The following TMCC1 variants were observed in gnomAD, a reference collection of about 807,000 sequenced individuals.
TMCC1 encodes transmembrane and coiled-coil domains protein 1.
A neutral mutation model predicts 52.4 loss-of-function variants in TMCC1; 15 were observed. The ratio of observed to expected loss-of-function variants is 0.29; its 90% CI spans 0.19 to 0.44. The LOEUF (loss-of-function observed/expected upper bound fraction) is 0.44, where lower values mean the gene tolerates loss of function less well. TMCC1 is among the 20% of genes least tolerant of loss of function. The pLI, the probability that TMCC1 is intolerant of heterozygous loss-of-function variation, is 1.00. For missense variants in TMCC1, 503 were observed against 806.0 expected (o/e 0.62, Z 4.55); for synonymous variants, 279 against 301.9 (o/e 0.92, Z 0.79).
intron 1 of TMCC1, among the ~76,000 whole-genome samples, chr3:129,883,540 G>T (rs1347531968): frequency 6.6e-6 from 1 of 152,156 alleles, no homozygotes; most frequent in Non-Finnish European, 1.5e-5. Flanking sequence ...CTTGAACCTA[G>T]GAGGTCAAGG....
At chr3:129,750,900 A>C (rs966512706) in intron 4 of TMCC1, among the ~76,000 whole-genome samples, 1 of 151,148 alleles carries the variant, frequency 6.6e-6, no homozygotes, top group Non-Finnish European at 1.5e-5. Context: ...TAAATTTTAC[A>C]TAAGAATTAA....
At chr3:129,657,665 C>T (rs779665784) in intron 5 of TMCC1, among the ~76,000 whole-genome samples, 2 of 152,162 alleles carry the variant, frequency 1.3e-5, no homozygotes, top group Non-Finnish European at 2.9e-5. Context: ...AAGAGCTACA[C>T]TGATGTGATG....
At chr3:129,710,701 G>A (rs946562202) in intron 4 of TMCC1, among the ~76,000 whole-genome samples, 30 of 152,220 alleles carry the variant, frequency 2.0e-4, no homozygotes, top group African/African-American at 7.0e-4. Flanking sequence ...AAAAGTAACA[G>A]GCTTTACAGA....
chr3:129,851,289 T>C (rs1387842188), intron 2 of TMCC1, among the ~76,000 whole-genome samples: 1 of 152,224 alleles, frequency 6.6e-6, no homozygotes, highest in Non-Finnish European at 1.5e-5. Flanking sequence ...CTCCAGTGTA[T>C]ACTCCTTTCC....
chr3:129,759,709 A>ATTTTTTTTTTTTTTTT (rs1560350161), intron 4 of TMCC1, among the ~76,000 whole-genome samples: 7 of 98,372 alleles, frequency 7.1e-5, no homozygotes, highest in African/African-American at 2.4e-4. Context: ...AGCCAGCCAA[A>ATTTTTTTTTTTTTTTT]CTTTTTTTTT....
chr3:129,727,164 T>C (rs1468390340), intron 4 of TMCC1, among the ~76,000 whole-genome samples: 1 of 152,140 alleles, frequency 6.6e-6, no homozygotes, highest in East Asian at 1.9e-4. Flanking sequence ...AACTCTTCAA[T>C]TTCTGCAATG....
In TMCC1 at chr3:129,647,822, A is replaced by G. The variant is rs2086110537; in HGVS notation, c.*3659T>C. The G allele has an allele frequency of 6.6e-6, 1 of 152,628 alleles. No individual in the cohort carries two copies. Among genetic ancestry groups the G allele is most frequent in the Non-Finnish European group, 1.5e-5 (1 of 68,034 alleles). The allele number at this position is 152,628 out of a possible 1,614,324, so 9.5% of individuals were successfully genotyped here. A position where few individuals can be genotyped will look rare whatever the true frequency, so the allele number is the denominator to read the frequency against. ...AGCTGAGGTCTTTATTTCAATTTCT[A>G]TATACAGTAAAAGTGCTGCTGAGAA... On this transcript the variant is annotated 3_prime_UTR_variant, in exon 7 of 7. Transcript: ENST00000393238.
intron 1 of TMCC1, among the ~76,000 whole-genome samples, chr3:129,887,498 C>T (rs1414300890): frequency 4.0e-5 from 6 of 149,870 alleles, no homozygotes; most frequent in East Asian, 2.0e-4. Context: ...GCCAAGATCG[C>T]GCCACTGCAC....
chr3:129,828,082 G>A lies in TMCC1; in HGVS notation c.297C>T (p.Pro99=). ...GCTGCAGGACACGATTCAGAGCTGT[G>A]GGGTGGGTGGGGACACCATCAATCT... ...CAEIDGVPTH[P]TALNRVLQQI... is the part of the protein sequence containing the mutation. Residue 99 remains proline (P), a synonymous_variant, in exon 4 of 7, where the codon CCC becomes CCT. Coordinates refer to ENST00000393238, the MANE Select transcript of TMCC1 (RefSeq NM_001017395.5). The surrounding 1 kb of genome is among the most constrained non-coding windows in gnomAD (Gnocchi z 4.1). 6.2e-7 allele frequency: 1 copy of A among 1,614,156 alleles called. No homozygotes were observed. Among genetic ancestry groups the A allele is most frequent in the African/African-American group, 1.3e-5 (1 of 75,024 alleles).
chr3:129,891,052 A>G (rs2061942635), intron 1 of TMCC1, among the ~76,000 whole-genome samples: 1 of 152,226 alleles, frequency 6.6e-6, no homozygotes, highest in Non-Finnish European at 1.5e-5. Context: ...CAACACTGGA[A>G]AACAAGAGCA....
chr3:129,863,070 A>C (rs960278510), intron 2 of TMCC1, among the ~76,000 whole-genome samples: 11 of 152,336 alleles, frequency 7.2e-5, no homozygotes, highest in African/African-American at 2.4e-4. Flanking sequence ...TAAAGCACTC[A>C]AAGTGTTCAA....
At chr3:129,871,905 T>C (rs1315515920) in intron 2 of TMCC1, among the ~76,000 whole-genome samples, 1 of 152,224 alleles carries the variant, frequency 6.6e-6, no homozygotes, top group Non-Finnish European at 1.5e-5. Context: ...TACGAAGTGA[T>C]ACCATTTTTT....
chr3:129,827,772 T>C, intron 4 of TMCC1, 31 bp downstream of exon 4: 1 of 1,597,560 alleles, frequency 6.3e-7, no homozygotes, highest in Non-Finnish European at 8.6e-7. Context: ...AAACAGTAAG[T>C]TAACAGAAAA....
At chr3:129,680,639 G>GC (rs1255000121) in intron 4 of TMCC1, among the ~76,000 whole-genome samples, 2 of 152,154 alleles carry the variant, frequency 1.3e-5, no homozygotes, top group Non-Finnish European at 2.9e-5. Flanking sequence ...GGTGGCTCAC[G>GC]CCTCTAATCC....
chr3:129,814,686 T>C (rs957551903), intron 4 of TMCC1, among the ~76,000 whole-genome samples: 2 of 151,880 alleles, frequency 1.3e-5, no homozygotes, highest in African/African-American at 4.8e-5. Context: ...ACACATAGAC[T>C]GAAAGTGAAG....
intron 4 of TMCC1, among the ~76,000 whole-genome samples, chr3:129,713,135 A>G (rs1475132624): frequency 6.6e-6 from 1 of 152,116 alleles, no homozygotes; most frequent in Non-Finnish European, 1.5e-5. Flanking sequence ...AGCGGTGCAC[A>G]CCTGCAGTCC....
rs2086285224 is a variant in TMCC1, at chr3:129,650,897, C to G, written c.*584G>C. 6.5e-6 allele frequency: 1 copy of G among 153,974 alleles called. No individual in the cohort carries two copies. The allele number at this position is 153,974 out of a possible 1,614,324, so 9.5% of individuals were successfully genotyped here. On this transcript the variant is annotated 3_prime_UTR_variant, in exon 7 of 7. Coordinates refer to ENST00000393238, the MANE Select transcript of TMCC1 (RefSeq NM_001017395.5). ...TTGTATCCTCGTCAAGGTTAAGGGG[C>G]AGGTTCAAAAGTGATCATACTTCCA...
intron 2 of TMCC1, among the ~76,000 whole-genome samples, chr3:129,857,806 G>T (rs1213014592): frequency 2.6e-5 from 4 of 151,858 alleles, no homozygotes; most frequent in African/African-American, 2.4e-5. Context: ...GTCATGAGCC[G>T]CCCGCCTCAG....
At chr3:129,888,918 A>G (rs1001390183) in intron 1 of TMCC1, among the ~76,000 whole-genome samples, 1 of 152,180 alleles carries the variant, frequency 6.6e-6, no homozygotes, top group Non-Finnish European at 1.5e-5. Flanking sequence ...AAAGCATATT[A>G]CATTCTTGGC....
Sources: allele counts gnomAD v4.1 joint callset (sites outside exome capture counted in the v4.1 genomes callset), GRCh38; gene constraint gnomAD v4.1.1; non-coding constraint Gnocchi (gnomAD v3.1); transcripts MANE v1.5; gene names NCBI Gene and HGNC (gene_info 2026-07-23, HGNC 2026-07-21).